Variants in NELL2 observed in about 807,000 individuals in gnomAD.
NELL2 encodes the protein protein kinase C-binding protein NELL2.
Under a neutral mutation model 109.6 loss-of-function variants are expected in NELL2, and 41 were observed. That is an observed-to-expected ratio of 0.37 (90% confidence interval 0.29 to 0.49). NELL2 has a LOEUF of 0.49. Among genes scored for constraint, NELL2 ranks in the 20% least tolerant of loss-of-function variants. The pLI, the probability that NELL2 is intolerant of heterozygous loss-of-function variation, is 0.98. For synonymous variants in NELL2, 355 were observed against 344.7 expected, an observed-to-expected ratio of 1.03 and a Z score of -0.33; for missense variants, 900 against 1,008.3, an observed-to-expected ratio of 0.89 and a Z score of 1.45.
intron 19 of NELL2, among the ~76,000 whole-genome samples, chr12:44,512,445 C>A (rs1941040931): frequency 6.6e-6 from 1 of 151,760 alleles, no homozygotes; most frequent in Non-Finnish European, 1.5e-5. Context: ...TAAAATAGAT[C>A]TAACATATGA....
chr12:44,828,542 C>T (rs1004935852), intron 2 of NELL2, among the ~76,000 whole-genome samples: 4 of 152,128 alleles, frequency 2.6e-5, no homozygotes, highest in African/African-American at 9.7e-5. Flanking sequence ...TATTCAACCA[C>T]ATAAAAGTAT....
chr12:44,788,124 T>C (rs972356952), intron 3 of NELL2, among the ~76,000 whole-genome samples: 2 of 151,472 alleles, frequency 1.3e-5, no homozygotes, highest in Non-Finnish European at 1.5e-5. Context: ...AAAAAGAACG[T>C]GGGGAGAATG....
intron 9 of NELL2, among the ~76,000 whole-genome samples, chr12:44,763,845 T>C (rs534800135): frequency 6.6e-6 from 1 of 151,866 alleles, no homozygotes; most frequent in African/African-American, 2.4e-5. Context: ...CTTTTATTAA[T>C]CTTCTTATCC....
chr12:44,590,897 C>CAAAAA (rs59621412), intron 15 of NELL2, among the ~76,000 whole-genome samples: 21 of 135,150 alleles, frequency 1.6e-4, no homozygotes, highest in African/African-American at 5.7e-4. Flanking sequence ...GCAGAATATA[C>CAAAAA]AAAAAAAAAA....
At chr12:44,857,154 G>A (rs1454594441) in intron 2 of NELL2, among the ~76,000 whole-genome samples, 2 of 152,176 alleles carry the variant, frequency 1.3e-5, no homozygotes, top group East Asian at 1.9e-4. Context: ...TGAATGATAT[G>A]TAAGAGTTCA....
chr12:44,746,989 C>T (rs1940400025), intron 9 of NELL2, among the ~76,000 whole-genome samples: 1 of 152,176 alleles, frequency 6.6e-6, no homozygotes, highest in Admixed American at 6.5e-5. Context: ...GCTATAAAGA[C>T]TCATGCACAC....
At chr12:44,726,491 A>G (rs570853300) in intron 9 of NELL2, among the ~76,000 whole-genome samples, 9 of 152,144 alleles carry the variant, frequency 5.9e-5, no homozygotes, top group Non-Finnish European at 1.2e-4. Flanking sequence ...TAGTTAATTA[A>G]CCCTCAGAAC....
At chr12:44,587,287 AT>A (rs1272708061) in intron 15 of NELL2, among the ~76,000 whole-genome samples, 7 of 112,068 alleles carry the variant, frequency 6.2e-5, no homozygotes, top group African/African-American at 2.7e-4. Context: ...AAAAAAAAAT[AT>A]ATATATATAT....
intron 2 of NELL2, among the ~76,000 whole-genome samples, chr12:44,859,557 T>C (rs1294712757): frequency 6.6e-6 from 1 of 151,950 alleles, no homozygotes; most frequent in Non-Finnish European, 1.5e-5. Flanking sequence ...AAAATAAAAA[T>C]AAACAGGAGA....
intron 9 of NELL2, among the ~76,000 whole-genome samples, chr12:44,763,029 C>G (rs961638252): frequency 7.2e-5 from 11 of 152,156 alleles, no homozygotes; most frequent in African/African-American, 2.7e-4. Context: ...ATGGAAAACT[C>G]AGCCAGGACA....
At chr12:44,794,319 T>C (rs1410582330) in intron 3 of NELL2, among the ~76,000 whole-genome samples, 1 of 152,224 alleles carries the variant, frequency 6.6e-6, no homozygotes, top group Admixed American at 6.5e-5. Flanking sequence ...AAGTAGTAGA[T>C]GTCAGCTATC....
chr12:44,607,688 T>C (rs1200863868), intron 14 of NELL2, among the ~76,000 whole-genome samples: 1 of 152,126 alleles, frequency 6.6e-6, no homozygotes, highest in African/African-American at 2.4e-5. Context: ...CTGACCATTT[T>C]GCACACTAGC....
intron 13 of NELL2, among the ~76,000 whole-genome samples, chr12:44,625,879 A>G (rs1946242137): frequency 6.6e-6 from 1 of 152,112 alleles, no homozygotes; most frequent in Non-Finnish European, 1.5e-5. Context: ...GCTCGCCAGC[A>G]CACAAGCAGT....
At chr12:44,808,231 G>A (rs1270613465) in intron 3 of NELL2, among the ~76,000 whole-genome samples, 3 of 151,984 alleles carry the variant, frequency 2.0e-5, no homozygotes, top group African/African-American at 7.2e-5. Context: ...GTGTGAAACG[G>A]GGGATGTGTG....
chr12:44,802,442 T>A (rs1942863301), intron 3 of NELL2, among the ~76,000 whole-genome samples: 1 of 151,658 alleles, frequency 6.6e-6, no homozygotes, highest in Non-Finnish European at 1.5e-5. Flanking sequence ...CTCTAATATA[T>A]CATATATATA....
chr12:44,674,145 A>G (rs780040148), intron 12 of NELL2, among the ~76,000 whole-genome samples: 2 of 152,256 alleles, frequency 1.3e-5, no homozygotes, highest in Admixed American at 1.3e-4. Flanking sequence ...CACAGTGCTT[A>G]TTTGTTCTGA....
chr12:44,877,843 G>T (rs890633111), upstream of NELL2, among the ~76,000 whole-genome samples: 1 of 152,012 alleles, frequency 6.6e-6, no homozygotes, highest in Admixed American at 6.5e-5. Flanking sequence ...AAGTGATAAA[G>T]GATTGTCATA....
chr12:44,744,849 T>C (rs927878372), intron 9 of NELL2, among the ~76,000 whole-genome samples: 6 of 152,270 alleles, frequency 3.9e-5, no homozygotes, highest in Admixed American at 1.3e-4. Flanking sequence ...ACCAGATGGA[T>C]TCACAGCTGA....
At chr12:44,683,822 C>A (rs1948616028) in intron 12 of NELL2, among the ~76,000 whole-genome samples, 1 of 152,096 alleles carries the variant, frequency 6.6e-6, no homozygotes, top group African/African-American at 2.4e-5. Flanking sequence ...TTGGGTTTGC[C>A]AGTATTTTAT....
Sources: gnomAD v4.1 joint callset for allele counts (sites outside exome capture counted in the v4.1 genomes callset) on GRCh38, gnomAD v4.1.1 for gene constraint, MANE v1.5 for transcripts, NCBI Gene and HGNC (gene_info 2026-07-23, HGNC 2026-07-21) for gene names.